The following VOPP1 variants were observed in gnomAD, a reference collection of about 807,000 sequenced individuals.
VOPP1 encodes VOPP1 WW domain binding protein.
In VOPP1, 8 loss-of-function variants were observed where a neutral mutation model predicts 23.5. That is an observed-to-expected ratio of 0.34 (90% confidence interval 0.20 to 0.61). VOPP1 has a LOEUF of 0.61. VOPP1 is among the 20% of genes least tolerant of loss of function. The pLI is 0.78. For missense variants in VOPP1, 174 were observed against 238.1 expected (o/e 0.73, Z 1.77); for synonymous variants, 83 against 97.3 (o/e 0.85, Z 0.86).
chr7:55,571,950 C>T (rs1009083253), intron 1 of VOPP1: 15 of 264,244 alleles, frequency 5.7e-5, no homozygotes, highest in African/African-American at 3.1e-4. Flanking sequence ...CCCTCTGCGG[C>T]GGGGAGAGGG....
At chr7:55,445,590 G>T (rs1791081991) in intron 4 of VOPP1, among the ~76,000 whole-genome samples, 1 of 152,140 alleles carries the variant, frequency 6.6e-6, no homozygotes, top group East Asian at 1.9e-4. Context: ...TCAACCTGGT[G>T]TTTTTGTTTT....
intron 1 of VOPP1, among the ~76,000 whole-genome samples, chr7:55,526,236 C>A (rs117868690): frequency 6.6e-6 from 1 of 152,358 alleles, no homozygotes; most frequent in Admixed American, 6.5e-5. Flanking sequence ...ACAGTTCACA[C>A]TGGAGAGGCC....
At chr7:55,499,281 T>A (rs929834380) in intron 2 of VOPP1, among the ~76,000 whole-genome samples, 10 of 152,146 alleles carry the variant, frequency 6.6e-5, no homozygotes, top group Non-Finnish European at 1.2e-4. Context: ...GGTGAAACCC[T>A]GTCTCTACTA....
chr7:55,525,472 GAGCGAGACTCCGTCTC>G (rs1209445724), intron 1 of VOPP1, among the ~76,000 whole-genome samples: 13 of 147,236 alleles, frequency 8.8e-5, no homozygotes. Context: ...CTGGGCGACA[GAGCGAGACTCCGTCTC>G]CAAAAAAAAA....
intron 1 of VOPP1, among the ~76,000 whole-genome samples, chr7:55,526,280 C>T (rs898672533): frequency 6.6e-6 from 1 of 152,204 alleles, no homozygotes; most frequent in Non-Finnish European, 1.5e-5. Flanking sequence ...GGACTCTGGA[C>T]GCCCGTGGTT....
chr7:55,464,480 G>A (rs1479680163), intron 4 of VOPP1, among the ~76,000 whole-genome samples: 1 of 152,162 alleles, frequency 6.6e-6, no homozygotes, highest in Non-Finnish European at 1.5e-5. Flanking sequence ...CTGGAAGTTG[G>A]GGGATGGGGT....
chr7:55,554,359 T>C (rs1192664412), intron 1 of VOPP1, among the ~76,000 whole-genome samples: 5 of 152,192 alleles, frequency 3.3e-5, no homozygotes, highest in Admixed American at 2.0e-4. Flanking sequence ...TGAGGGTGGC[T>C]GGAATTTTTC....
intron 1 of VOPP1, among the ~76,000 whole-genome samples, chr7:55,560,487 A>AG: frequency 6.6e-6 from 1 of 152,302 alleles, no homozygotes; most frequent in East Asian, 1.9e-4. Flanking sequence ...AAGGGGAGGA[A>AG]GGGACCACCA....
intron 2 of VOPP1, among the ~76,000 whole-genome samples, chr7:55,515,637 G>A (rs1450306798): frequency 2.0e-5 from 3 of 152,152 alleles, no homozygotes; most frequent in African/African-American, 7.2e-5. Context: ...GAAAACTGAA[G>A]CCGCAGGCTG....
At chr7:55,462,100 T>G (rs1791515071) in intron 4 of VOPP1, among the ~76,000 whole-genome samples, 1 of 152,218 alleles carries the variant, frequency 6.6e-6, no homozygotes, top group Non-Finnish European at 1.5e-5. Flanking sequence ...AGGACAACTT[T>G]GCCGAGTATA....
chr7:55,523,380 AT>A (rs961051146), intron 1 of VOPP1, among the ~76,000 whole-genome samples: 10 of 151,290 alleles, frequency 6.6e-5, no homozygotes, highest in East Asian at 5.8e-4. Flanking sequence ...ATACCAATAC[AT>A]TTTTTTTTCC....
At chr7:55,549,341 A>C (rs1343488978) in intron 1 of VOPP1, among the ~76,000 whole-genome samples, 6 of 152,202 alleles carry the variant, frequency 3.9e-5, no homozygotes, top group Non-Finnish European at 7.4e-5. Context: ...TCAGGCATAC[A>C]GACTCCCTTG....
chr7:55,502,292 T>G (rs748190360), intron 2 of VOPP1, among the ~76,000 whole-genome samples: 7 of 152,236 alleles, frequency 4.6e-5, no homozygotes, highest in Non-Finnish European at 1.0e-4. Context: ...AGTTCCTCTT[T>G]GTTGGCAAGA....
chr7:55,453,417 C>A (rs1791290526), intron 4 of VOPP1, among the ~76,000 whole-genome samples: 1 of 152,188 alleles, frequency 6.6e-6, no homozygotes, highest in Non-Finnish European at 1.5e-5. Context: ...TTAATCATTT[C>A]TAGCTTTTGA....
intron 1 of VOPP1, among the ~76,000 whole-genome samples, chr7:55,567,836 G>A (rs1798212873): frequency 6.6e-6 from 1 of 152,176 alleles, no homozygotes; most frequent in Admixed American, 6.5e-5. Flanking sequence ...CTTAAGAGTG[G>A]GTGGGCTGAA....
chr7:55,531,538 G>T (rs937550902), intron 1 of VOPP1, among the ~76,000 whole-genome samples: 1 of 152,042 alleles, frequency 6.6e-6, no homozygotes, highest in Admixed American at 6.6e-5. Flanking sequence ...TTTTAGTAGA[G>T]ATGGGGTTGC....
downstream of VOPP1, among the ~76,000 whole-genome samples, chr7:55,467,111 GAT>G (rs976560792): frequency 3.3e-5 from 5 of 152,188 alleles, no homozygotes; most frequent in African/African-American, 9.7e-5. Flanking sequence ...TGCCACTGCT[GAT>G]CAGACAGGAG....
chr7:55,563,821 T>C (rs2129056699), intron 1 of VOPP1, among the ~76,000 whole-genome samples: 1 of 152,360 alleles, frequency 6.6e-6, no homozygotes, highest in South Asian at 2.1e-4. Flanking sequence ...AGATTAGGGT[T>C]GCTTAACCTG....
chr7:55,436,640 GCGTGC>G (rs1335773283), intron 4 of VOPP1, among the ~76,000 whole-genome samples: 414 of 140,090 alleles, frequency 3.0e-3, no homozygotes, highest in African/African-American at 0.01. Context: ...GCGTGTGTGT[GCGTGC>G]GTGGGTGTGT....
Sources: gnomAD v4.1 joint callset for allele counts (sites outside exome capture counted in the v4.1 genomes callset) on GRCh38, gnomAD v4.1.1 for gene constraint, MANE v1.5 for transcripts, NCBI Gene and HGNC (gene_info 2026-07-23, HGNC 2026-07-21) for gene names.